The following LTBP1 variants were observed in gnomAD, a reference collection of about 807,000 sequenced individuals.
The protein encoded by LTBP1 is latent transforming growth factor beta binding protein 1.
LTBP1 carries 129 observed loss-of-function variants against 207.6 expected under a neutral mutation model. The observed-to-expected ratio is 0.62, with a 90% CI of 0.54 to 0.72. The LOEUF is 0.72. Among genes scored for constraint, LTBP1 ranks in the 30% least tolerant of loss-of-function variants. LTBP1 has a pLI of 0.00. For synonymous variants in LTBP1, 963 were observed against 833.7 expected, an observed-to-expected ratio of 1.16 and a Z score of -2.67; for missense variants, 2,281 against 2,217.2, an observed-to-expected ratio of 1.03 and a Z score of -0.58.
chr2:33,085,385 CT>C (rs1447661567), intron 3 of LTBP1, among the ~76,000 whole-genome samples: 2 of 152,252 alleles, frequency 1.3e-5, no homozygotes, highest in East Asian at 3.8e-4. Context: ...TGGACACCTT[CT>C]CTGGACACAT....
intron 7 of LTBP1, among the ~76,000 whole-genome samples, chr2:33,204,727 G>C (rs1264551241): frequency 6.6e-6 from 1 of 152,150 alleles, no homozygotes; most frequent in Non-Finnish European, 1.5e-5. Context: ...GTATAGGTGT[G>C]TGCCACCATA....
At chr2:33,098,339 G>T (rs1010578534) in intron 3 of LTBP1, among the ~76,000 whole-genome samples, 7 of 152,108 alleles carry the variant, frequency 4.6e-5, no homozygotes, top group African/African-American at 1.7e-4. Flanking sequence ...CACTTTGTGG[G>T]AAACTTCTGT....
intron 16 of LTBP1, 48 bp from the exon 17 acceptor site, chr2:33,274,917 G>A (rs200139134): frequency 4.0e-5 from 63 of 1,594,288 alleles, no homozygotes; most frequent in Non-Finnish European, 1.1e-5. Context: ...GGGAAACTAA[G>A]TTCTTGCTAC....
intron 22 of LTBP1, among the ~76,000 whole-genome samples, chr2:33,303,123 A>G (rs189370473): frequency 3.5e-4 from 53 of 152,252 alleles, no homozygotes; most frequent in Non-Finnish European, 2.9e-4. Context: ...GATTCTAGAT[A>G]GTGACATCCC....
At chr2:32,972,117 G>GTTT (rs367726622) in intron 2 of LTBP1, among the ~76,000 whole-genome samples, 6,491 of 124,190 alleles carry the variant, frequency 0.052, 220 homozygotes, top group Non-Finnish European at 0.088. Context: ...TGAGTTTTTT[G>GTTT]TTTTTTTTTT....
intron 3 of LTBP1, among the ~76,000 whole-genome samples, chr2:33,026,141 CT>C (rs751375827): frequency 6.6e-6 from 1 of 152,132 alleles, no homozygotes; most frequent in Non-Finnish European, 1.5e-5. Flanking sequence ...ATAGTTATTA[CT>C]GGGACCTTGT....
At chr2:33,012,244 C>A (rs1032182440) in intron 2 of LTBP1, among the ~76,000 whole-genome samples, 3 of 152,162 alleles carry the variant, frequency 2.0e-5, no homozygotes, top group Admixed American at 1.3e-4. Context: ...TCAAACTTGG[C>A]CACTTGCCCA....
chr2:33,117,755 G>A (rs1339858015), intron 4 of LTBP1, among the ~76,000 whole-genome samples: 3 of 152,092 alleles, frequency 2.0e-5, no homozygotes, highest in Admixed American at 6.6e-5. Flanking sequence ...TGCAAAAGAC[G>A]GGAAAATCCT....
chr2:33,056,181 G>A (rs193053912), intron 3 of LTBP1, among the ~76,000 whole-genome samples: 72 of 152,232 alleles, frequency 4.7e-4, no homozygotes, highest in African/African-American at 1.5e-3. Context: ...AAGCCGTAGC[G>A]CAGAAAAAAA....
intron 24 of LTBP1, among the ~76,000 whole-genome samples, chr2:33,342,551 A>G (rs902891875): frequency 2.0e-5 from 3 of 152,260 alleles, no homozygotes; most frequent in African/African-American, 7.2e-5. Flanking sequence ...CGTTTAGGTA[A>G]TACTGGGCGT....
At chr2:33,117,479 C>G (rs1322607883) in intron 4 of LTBP1, among the ~76,000 whole-genome samples, 1 of 152,202 alleles carries the variant, frequency 6.6e-6, no homozygotes, top group East Asian at 1.9e-4. Context: ...GTAAGATTGT[C>G]TGGGTCTTCC....
In LTBP1 at chr2:33,000,859, G is replaced by C. The variant is rs867535980; in HGVS notation, c.566-20050G>C. Among the ~76,000 whole-genome samples, 14 of 134,462 alleles carry C rather than the reference G, an allele frequency of 1.0e-4. 4 individuals are homozygous for C. Among genetic ancestry groups the C allele is most frequent in the Middle Eastern group, 8.1e-3 (2 of 246 alleles). 88.2% of individuals were successfully genotyped at this position (134,462 alleles called of 152,430 possible). A position where few individuals can be genotyped will look rare whatever the true frequency, so the allele number is the denominator to read the frequency against. On this transcript the variant is annotated intron_variant, in intron 2 of 33. Transcript: ENST00000404816. Reference sequence around the variant, plus strand: ...GGAGAACCAAGGTTGTTGACAGGAGGGGGGGTTCAAACACTCAACCCGCTT... The same window carrying C: ...GGAGAACCAAGGTTGTTGACAGGAGCGGGGGTTCAAACACTCAACCCGCTT...
rs779817907 is a variant in LTBP1 at position 33,134,995 on chromosome 2, G to A, written c.1201+35G>A. 1.3e-6 allele frequency: 2 copies of A among 1,550,446 alleles called. No homozygotes were observed. The highest frequency in any genetic ancestry group is 1.7e-6 in the Non-Finnish European group (2 of 1,148,196). ...TCCACGGTCCCTAACTGTCCTTACT[G>A]AGTCGAGTTTTATGAGATTGTAGCA... is the stretch of plus-strand genomic sequence containing the variant. On this transcript the variant is annotated intron_variant, in intron 5 of 33. Transcript: ENST00000404816. This position sits in a 1 kb window ranked among gnomAD's most constrained non-coding sequence, Gnocchi z 4.4.
chr2:33,149,334 G>A (rs59807250), intron 5 of LTBP1, among the ~76,000 whole-genome samples: 5 of 150,274 alleles, frequency 3.3e-5, no homozygotes, highest in African/African-American at 1.2e-4. Context: ...CTGCTCCTTA[G>A]AGCAGCCTTC....
At chr2:33,061,752 A>G (rs1292657057) in intron 3 of LTBP1, among the ~76,000 whole-genome samples, 2 of 152,160 alleles carry the variant, frequency 1.3e-5, no homozygotes, top group East Asian at 1.9e-4. Flanking sequence ...GCTATTATAA[A>G]TAAAGCTGCC....
At position 33,134,173 on chromosome 2, in the gene LTBP1, G is replaced by C. The variant is rs2081985247; in HGVS notation, c.1034-620G>C. The stretch of plus-strand genomic sequence containing the variant: ...AATATATGTTGCCTAAATTCTTATG[G>C]AGAAATAGTGCCCTGGAGTTGTGAA... On this transcript the variant is annotated intron_variant, in intron 4 of 33. Coordinates refer to ENST00000404816, the MANE Select transcript of LTBP1 (RefSeq NM_206943.4). The surrounding 1 kb of genome is among the most constrained non-coding windows in gnomAD (Gnocchi z 4.4). 6.6e-6 allele frequency among the ~76,000 whole-genome samples: 1 copy of C among 152,192 alleles called. No homozygotes were observed. The highest frequency in any genetic ancestry group is 6.5e-5 in the Admixed American group (1 of 15,288).
chr2:33,234,143 A>G (rs1027787535), intron 9 of LTBP1, among the ~76,000 whole-genome samples: 1 of 152,160 alleles, frequency 6.6e-6, no homozygotes, highest in Admixed American at 6.5e-5. Flanking sequence ...TCTGCCTTAT[A>G]AAGTGAAAAT....
chr2:33,194,487 A>G (rs186785696), intron 7 of LTBP1, among the ~76,000 whole-genome samples: 2 of 152,332 alleles, frequency 1.3e-5, no homozygotes, highest in Admixed American at 1.3e-4. Flanking sequence ...TGTTGCTAAT[A>G]CGGAGAATGT....
intron 3 of LTBP1, among the ~76,000 whole-genome samples, chr2:33,108,290 G>A (rs981486109): frequency 2.6e-5 from 4 of 152,098 alleles, no homozygotes; most frequent in South Asian, 4.2e-4. Flanking sequence ...GGGGGGAAGC[G>A]GGAGAAGGTA....
Sources: allele counts gnomAD v4.1 joint callset (sites outside exome capture counted in the v4.1 genomes callset), GRCh38; gene constraint gnomAD v4.1.1; non-coding constraint Gnocchi (gnomAD v3.1); transcripts MANE v1.5; gene names NCBI Gene and HGNC (gene_info 2026-07-23, HGNC 2026-07-21).